The following DNAJC7 variants were observed in gnomAD, a reference collection of about 807,000 sequenced individuals.
DNAJC7 encodes the protein DnaJ heat shock protein family (Hsp40) member C7, also known as dnaJ homolog subfamily C member 7.
DNAJC7 carries 18 observed loss-of-function variants against 67.4 expected under a neutral mutation model. The observed-to-expected ratio is 0.27, with a 90% CI of 0.18 to 0.40. DNAJC7 has a LOEUF of 0.40. Ranked by LOEUF, DNAJC7 falls within the 10% of genes least tolerant of loss-of-function variation. The pLI is 1.00. For synonymous variants in DNAJC7, 220 were observed against 207.8 expected, an observed-to-expected ratio of 1.06 and a Z score of -0.50; for missense variants, 419 against 613.8, an observed-to-expected ratio of 0.68 and a Z score of 3.35.
intron 1 of DNAJC7, among the ~76,000 whole-genome samples, chr17:42,010,037 G>A (rs1371446840): frequency 6.6e-6 from 1 of 152,192 alleles, no homozygotes; most frequent in Non-Finnish European, 1.5e-5. Flanking sequence ...AGCTACTCAG[G>A]AGGCTGAGGC....
Position 42,005,201 on chromosome 17 carries a change from T to C in DNAJC7, c.78-4631A>G, listed in dbSNP as rs374534920. The stretch of plus-strand genomic sequence containing the variant: ...CAACAAACACTGCTAAGGGAATCAT[T>C]TGGTATCACACAGGTCTTAGCAGGG... On this transcript the variant is annotated intron_variant, in intron 1 of 13. Transcript: ENST00000457167. 5.9e-5 allele frequency among the ~76,000 whole-genome samples: 9 copies of C among 152,356 alleles called. No individual in the cohort carries two copies. The East Asian group carries it at 1.5e-3, about 26-fold the overall frequency.
chr17:42,009,168 T>C (rs186173628), intron 1 of DNAJC7, among the ~76,000 whole-genome samples: 1 of 152,358 alleles, frequency 6.6e-6, no homozygotes, highest in Admixed American at 6.5e-5. Flanking sequence ...ACAGAATAGA[T>C]AGTTTTCACT....
intron 1 of DNAJC7, among the ~76,000 whole-genome samples, chr17:42,006,586 C>A (rs1306015992): frequency 2.0e-5 from 3 of 146,618 alleles, no homozygotes; most frequent in Non-Finnish European, 4.5e-5. Context: ...ATCATGAAGT[C>A]AGGAGTTCGA....
At chr17:41,985,639 G>T (rs2051355460) in intron 9 of DNAJC7, 1 of 152,114 alleles carries the variant, frequency 6.6e-6, no homozygotes, top group Non-Finnish European at 1.5e-5. Context: ...GGGCTTTAAG[G>T]AGAAAGGGTG....
At chr17:41,977,937 C>G (rs2051136033) in intron 12 of DNAJC7, among the ~76,000 whole-genome samples, 1 of 152,072 alleles carries the variant, frequency 6.6e-6, no homozygotes, top group Non-Finnish European at 1.5e-5. Context: ...GCCTGGGTGA[C>G]AGCAAGACCC....
In DNAJC7 at chr17:41,997,095, CAG is replaced by C. The variant is rs529026372; in HGVS notation, c.291+18_291+19del. 1.9e-6 allele frequency: 3 copies of C among 1,613,802 alleles called. No individual in the cohort carries two copies. In the South Asian group the frequency reaches 3.3e-5, roughly 18 times the overall value. On this transcript the variant is annotated intron_variant, in intron 3 of 13. Coordinates refer to ENST00000457167, the MANE Select transcript of DNAJC7 (RefSeq NM_003315.4). The stretch of plus-strand genomic sequence containing the variant: ...CTGTAGCAACCCAGCCTTCCCCAAA[CAG>C]CCCCATTACATACATACCCGGACAA...
chr17:41,996,981 G>T, intron 3 of DNAJC7, 134 bp downstream of exon 3: 2 of 1,376,550 alleles, frequency 1.5e-6, no homozygotes, highest in Non-Finnish European at 2.0e-6. Context: ...AACCCACAGT[G>T]CACAGTAAAG....
intron 9 of DNAJC7, among the ~76,000 whole-genome samples, chr17:41,986,531 T>C (rs965357673): frequency 8.2e-6 from 1 of 122,692 alleles, no homozygotes; most frequent in Admixed American, 7.7e-5. Context: ...TCCCCCCGCC[T>C]TTTTTTTTTT....
chr17:41,995,070 G>C (rs782140818), intron 4 of DNAJC7, 126 bp from the exon 5 acceptor site: 3 of 834,790 alleles, frequency 3.6e-6, no homozygotes, highest in Non-Finnish European at 4.0e-6. Context: ...TTTTGATAGA[G>C]ATAGGGTCGA....
rs2051084801 is a variant in DNAJC7 at position 41,976,554 on chromosome 17, T to C, written c.*179A>G. Reference sequence around the variant, plus strand: ...CCCCGCCTCCCTCCCCTGCCCTCGGTCTTCGGCATTGGTTCCCTTTGCTCC... The same window carrying C: ...CCCCGCCTCCCTCCCCTGCCCTCGGCCTTCGGCATTGGTTCCCTTTGCTCC... On this transcript the variant is annotated 3_prime_UTR_variant, in exon 14 of 14. Transcript: ENST00000457167. 3 of 691,158 alleles carry C rather than the reference T, an allele frequency of 4.3e-6. No homozygotes were observed. The highest frequency in any genetic ancestry group is 2.1e-5 in the South Asian group (1 of 48,748). 42.8% of individuals were successfully genotyped at this position (691,158 alleles called of 1,614,324 possible). A position where few individuals can be genotyped will look rare whatever the true frequency, so the allele number is the denominator to read the frequency against.
chr17:41,982,520 T>C (rs1468547857), intron 10 of DNAJC7, 119 bp from the exon 11 acceptor site: 7 of 1,301,684 alleles, frequency 5.4e-6, no homozygotes, highest in Non-Finnish European at 6.3e-6. Flanking sequence ...ACTTTTACGG[T>C]GCTTTCTTCT....
chr17:42,014,173 CT>C lies in DNAJC7; in HGVS notation c.77+3166del, dbSNP rs1179063095. The C allele has an allele frequency of 2.2e-3, 310 of 139,760 alleles. 1 individual carries two copies. The highest frequency in any genetic ancestry group is 4.7e-3 in the Admixed American group (65 of 13,894). 8.7% of individuals were successfully genotyped at this position (139,760 alleles called of 1,614,324 possible). The stretch of plus-strand genomic sequence containing the variant: ...TTTTTTGTTTATTTCACTTATTTTC[CT>C]TTTTTTTTTTTGAAATGGAGTCTCA... On this transcript the variant is annotated intron_variant, in intron 1 of 13. Coordinates refer to ENST00000457167, the MANE Select transcript of DNAJC7 (RefSeq NM_003315.4).
At chr17:41,988,588 TGGAA>T in intron 8 of DNAJC7, 140 bp downstream of exon 8, 2 of 1,015,024 alleles carry the variant, frequency 2.0e-6, no homozygotes, top group Non-Finnish European at 2.8e-6. Context: ...GCTTGCCTCT[TGGAA>T]GGGAGTTCCT....
chr17:42,009,308 G>A (rs782175235), intron 1 of DNAJC7, among the ~76,000 whole-genome samples: 1 of 152,126 alleles, frequency 6.6e-6, no homozygotes, highest in East Asian at 1.9e-4. Context: ...GCCTCAACAC[G>A]GGCAGAGTCA....
intron 6 of DNAJC7, among the ~76,000 whole-genome samples, chr17:41,989,953 A>G (rs2051471809): frequency 1.3e-5 from 2 of 152,246 alleles, no homozygotes; most frequent in South Asian, 4.1e-4. Context: ...TGCAAAGGCT[A>G]AAATCTGGCC....
chr17:42,008,120 C>T (rs1366757383), intron 1 of DNAJC7, among the ~76,000 whole-genome samples: 6 of 151,666 alleles, frequency 4.0e-5, no homozygotes, highest in African/African-American at 1.2e-4. Context: ...CAAGACCAGC[C>T]TAGGCAACAT....
rs1251055690 is a variant in DNAJC7 at position 41,983,641 on chromosome 17, G to C, written c.1011-5C>G. 2.4e-5 allele frequency: 39 copies of C among 1,599,638 alleles called. No individual in the cohort carries two copies. Among genetic ancestry groups the C allele is most frequent in the Non-Finnish European group, 3.3e-5 (39 of 1,172,228 alleles). ...TACTGTTCTGTGTCCATGTAACTGA[G>C]AAGGAAATACAAGGCAATACAGCAC... On this transcript the variant is annotated splice_region_variant and splice_polypyrimidine_tract_variant and intron_variant, in intron 9 of 13. Coordinates refer to ENST00000457167, the MANE Select transcript of DNAJC7 (RefSeq NM_003315.4).
At chr17:41,982,172 AG>A (rs2051267226) in intron 11 of DNAJC7, 82 bp downstream of exon 11, 1 of 1,574,942 alleles carries the variant, frequency 6.3e-7, no homozygotes, top group African/African-American at 1.4e-5. Context: ...GACCTCTCCA[AG>A]GGGTCCCCTC....
intron 5 of DNAJC7, chr17:41,992,550 C>G (rs539320122): frequency 6.6e-6 from 1 of 152,138 alleles, no homozygotes; most frequent in Non-Finnish European, 1.5e-5. Flanking sequence ...CCTGCCCCCC[C>G]AGATGGAAAA....
Sources: allele counts gnomAD v4.1 joint callset (sites outside exome capture counted in the v4.1 genomes callset), GRCh38; gene constraint gnomAD v4.1.1; transcripts MANE v1.5; gene names NCBI Gene and HGNC (gene_info 2026-07-23, HGNC 2026-07-21).